Variants in ALCAM observed in about 807,000 individuals in gnomAD.
The protein encoded by ALCAM is activated leukocyte cell adhesion molecule.
A neutral mutation model predicts 70.9 loss-of-function variants in ALCAM; 30 were observed. That is an observed-to-expected ratio of 0.42 (90% CI 0.32 to 0.57). ALCAM has a LOEUF of 0.57. Among genes scored for constraint, ALCAM ranks in the 20% least tolerant of loss-of-function variants. The pLI, the probability that ALCAM is intolerant of heterozygous loss-of-function variation, is 0.11. For missense variants in ALCAM, 591 were observed against 695.1 expected (o/e 0.85, Z 1.68); for synonymous variants, 249 against 242.5 (o/e 1.03, Z -0.25).
intron 1 of ALCAM, among the ~76,000 whole-genome samples, chr3:105,422,569 C>T (rs1441292623): frequency 2.0e-5 from 3 of 151,320 alleles, no homozygotes; most frequent in Non-Finnish European, 3.0e-5. Context: ...GAAAATAGTG[C>T]CTTTCCTTAA....
At chr3:105,447,811 C>T (rs933703819) in intron 1 of ALCAM, among the ~76,000 whole-genome samples, 1 of 152,110 alleles carries the variant, frequency 6.6e-6, no homozygotes, top group African/African-American at 2.4e-5. Context: ...CTTTTGTTAT[C>T]AAATAATGCT....
intron 2 of ALCAM, among the ~76,000 whole-genome samples, chr3:105,520,393 A>C (rs73192744): frequency 0.019 from 2,960 of 152,332 alleles, 35 homozygotes; most frequent in Middle Eastern, 0.037. Flanking sequence ...CTTAGAATGT[A>C]TTAGTCTGAA....
chr3:105,527,015 A>G (rs528690596), intron 3 of ALCAM, among the ~76,000 whole-genome samples: 1 of 152,176 alleles, frequency 6.6e-6, no homozygotes, highest in Non-Finnish European at 1.5e-5. Flanking sequence ...TGACCTTGCT[A>G]TCTTTAATGC....
chr3:105,494,776 C>T (rs1938690534), intron 1 of ALCAM, among the ~76,000 whole-genome samples: 1 of 152,132 alleles, frequency 6.6e-6, no homozygotes, highest in Non-Finnish European at 1.5e-5. Flanking sequence ...CCCCCCACCT[C>T]AGCGTCCTGA....
Position 105,524,485 on chromosome 3 carries a change from C to T in ALCAM, c.371C>T (p.Ala124Val). Residue 124 changes from alanine to valine, a missense_variant, in exon 3 of 16, where the codon GCA (alanine) becomes GTA (valine). Transcript: ENST00000306107. ...GTAACTGAGGACAACGTGTTTGAGG[C>T]ACCTACAATAGTCAAGGTGTTCAGT... ...MLVTEDNVFE[A>V]PTIVKVFKQP... is the part of the protein sequence containing the mutation. 1 of 1,614,080 alleles carries T rather than the reference C, an allele frequency of 6.2e-7. No individual in the cohort carries two copies. The highest frequency in any genetic ancestry group is 8.5e-7 in the Non-Finnish European group (1 of 1,179,962).
At chr3:105,560,231 A>G (rs2152633853) in intron 14 of ALCAM, among the ~76,000 whole-genome samples, 1 of 152,246 alleles carries the variant, frequency 6.6e-6, no homozygotes, top group Non-Finnish European at 1.5e-5. Context: ...AATTTTAGCC[A>G]TTCTAGGAGG....
At chr3:105,399,134 G>T (rs1203493749) in intron 1 of ALCAM, among the ~76,000 whole-genome samples, 1 of 151,994 alleles carries the variant, frequency 6.6e-6, no homozygotes, top group African/African-American at 2.4e-5. Flanking sequence ...ACTTGAGTTT[G>T]GTGGTCTTTT....
chr3:105,477,760 GA>G (rs1559804890), intron 1 of ALCAM, among the ~76,000 whole-genome samples: 3 of 151,838 alleles, frequency 2.0e-5, no homozygotes, highest in African/African-American at 7.3e-5. Flanking sequence ...CTGAAGCACT[GA>G]TTTTTTTAAT....
At chr3:105,525,050 A>G in intron 3 of ALCAM, 2 of 868,460 alleles carry the variant, frequency 2.3e-6, no homozygotes, top group Non-Finnish European at 2.8e-6. Context: ...TATTTTATAT[A>G]TTATATATAT....
chr3:105,468,439 G>A (rs1396744031), intron 1 of ALCAM, among the ~76,000 whole-genome samples: 1 of 151,212 alleles, frequency 6.6e-6, no homozygotes, highest in African/African-American at 2.4e-5. Context: ...TCATCAGACT[G>A]TATTTATAGT....
intron 1 of ALCAM, among the ~76,000 whole-genome samples, chr3:105,503,224 C>T (rs973190600): frequency 1.3e-5 from 2 of 152,146 alleles, no homozygotes; most frequent in African/African-American, 4.8e-5. Context: ...TTGGACTCTT[C>T]TACTTATTTA....
intron 1 of ALCAM, among the ~76,000 whole-genome samples, chr3:105,385,993 A>G (rs1935643185): frequency 6.6e-6 from 1 of 151,612 alleles, no homozygotes; most frequent in African/African-American, 2.4e-5. Flanking sequence ...CAGTGTTTTC[A>G]AAACTACTCC....
chr3:105,397,640 A>G (rs369068095), intron 1 of ALCAM, among the ~76,000 whole-genome samples: 2 of 152,000 alleles, frequency 1.3e-5, no homozygotes, highest in South Asian at 4.1e-4. Context: ...ACGAAACACA[A>G]CAAATTAACC....
At chr3:105,541,162 C>T (rs1347319411) in intron 7 of ALCAM, among the ~76,000 whole-genome samples, 1 of 149,102 alleles carries the variant, frequency 6.7e-6, no homozygotes, top group Non-Finnish European at 1.5e-5. Flanking sequence ...CTCTCTCTTC[C>T]TTTCCCCTTT....
At chr3:105,436,215 A>C (rs149855759) in intron 1 of ALCAM, among the ~76,000 whole-genome samples, 2 of 152,238 alleles carry the variant, frequency 1.3e-5, no homozygotes, top group East Asian at 3.8e-4. Flanking sequence ...CACAGAGCCA[A>C]ACCATATTAG....
chr3:105,381,807 A>G (rs1935527871), intron 1 of ALCAM, among the ~76,000 whole-genome samples: 1 of 151,896 alleles, frequency 6.6e-6, no homozygotes, highest in African/African-American at 2.4e-5. Context: ...AACATTTTCT[A>G]ACATATTTCT....
intron 1 of ALCAM, among the ~76,000 whole-genome samples, chr3:105,392,762 A>T (rs955985771): frequency 1.3e-5 from 2 of 151,882 alleles, no homozygotes; most frequent in African/African-American, 4.8e-5. Context: ...TGTCCCAGAG[A>T]TTCTGGTACA....
At chr3:105,443,061 A>C (rs1576166101) in intron 1 of ALCAM, among the ~76,000 whole-genome samples, 1 of 152,066 alleles carries the variant, frequency 6.6e-6, no homozygotes, top group Non-Finnish European at 1.5e-5. Context: ...GCTACCCTCA[A>C]ATGATCCACC....
In ALCAM at chr3:105,448,146, A is replaced by G. The variant is rs547507091; in HGVS notation, c.74-71921A>G. Among the ~76,000 whole-genome samples, 3 of 152,310 alleles carry G rather than the reference A, an allele frequency of 2.0e-5. No homozygotes were observed. The South Asian group carries it at 6.2e-4, about 32-fold the overall frequency. On this transcript the variant is annotated intron_variant, in intron 1 of 15. Coordinates refer to ENST00000306107, the MANE Select transcript of ALCAM (RefSeq NM_001627.4). ...CTACTTAAAGTTCATCTGAACCTGA[A>G]CTGTAATTATTTCAGAGAAGTCCTG...
Sources: allele counts gnomAD v4.1 joint callset (sites outside exome capture counted in the v4.1 genomes callset), GRCh38; gene constraint gnomAD v4.1.1; transcripts MANE v1.5; gene names NCBI Gene and HGNC (gene_info 2026-07-23, HGNC 2026-07-21).